The following MACROD2 variants were observed in gnomAD, a reference collection of about 807,000 sequenced individuals.
MACROD2 encodes the protein ADP-ribose glycohydrolase MACROD2.
A neutral mutation model predicts 70.4 loss-of-function variants in MACROD2; 36 were observed. The ratio of observed to expected loss-of-function variants is 0.51; its 90% confidence interval spans 0.39 to 0.68. The LOEUF is 0.68. Ranked by LOEUF, MACROD2 falls within the 30% of genes least tolerant of loss-of-function variation. The pLI is 0.00. For synonymous variants in MACROD2, 172 were observed against 178.8 expected, an observed-to-expected ratio of 0.96 and a Z score of 0.30; for missense variants, 496 against 538.4, an observed-to-expected ratio of 0.92 and a Z score of 0.78.
At chr20:15,999,058 C>G (rs527541890) in intron 15 of MACROD2, among the ~76,000 whole-genome samples, 1 of 151,926 alleles carries the variant, frequency 6.6e-6, no homozygotes, top group East Asian at 1.9e-4. Context: ...GGCTTTATTT[C>G]TTTTTTAGTT....
chr20:14,515,467 A>ACACACACACG, intron 4 of MACROD2, among the ~76,000 whole-genome samples: 1 of 114,130 alleles, frequency 8.8e-6, no homozygotes, highest in Admixed American at 8.3e-5. Context: ...ACACACACGC[A>ACACACACACG]CACACACACA....
At position 15,878,828 on chromosome 20, in the gene MACROD2, C is replaced by G. The variant is rs73614472; in HGVS notation, c.728-6936C>G. On this transcript the variant is annotated intron_variant, in intron 9 of 17. Coordinates refer to ENST00000684519, the MANE Select transcript of MACROD2 (RefSeq NM_001351661.2). ...TAGACATTTCCTTATGAAGGGGATT[C>G]TGAAGTATATAAAGCTAGCTTTTAC... 2.8e-3 allele frequency among the ~76,000 whole-genome samples: 431 copies of G among 152,202 alleles called. 1 individual carries two copies. The highest frequency in any genetic ancestry group is 0.024 in the South Asian group (118 of 4,828).
chr20:14,416,345 TC>T (rs1430365436), intron 3 of MACROD2, among the ~76,000 whole-genome samples: 3 of 152,100 alleles, frequency 2.0e-5, no homozygotes, highest in Middle Eastern at 3.2e-3. Flanking sequence ...TGCTGTTTTT[TC>T]CCCCCAGTGT....
At chr20:15,554,116 G>T (rs563846735) in intron 8 of MACROD2, among the ~76,000 whole-genome samples, 1 of 152,296 alleles carries the variant, frequency 6.6e-6, no homozygotes, top group African/African-American at 2.4e-5. Context: ...TGGCTGGACT[G>T]GAAAGAGATG....
At chr20:14,810,814 T>A (rs973706873) in intron 5 of MACROD2, among the ~76,000 whole-genome samples, 8 of 152,006 alleles carry the variant, frequency 5.3e-5, no homozygotes, top group African/African-American at 1.9e-4. Context: ...AGAGAGCCAA[T>A]TCACGAGCAA....
At chr20:14,832,328 A>C (rs1263530867) in intron 5 of MACROD2, among the ~76,000 whole-genome samples, 1 of 151,988 alleles carries the variant, frequency 6.6e-6, no homozygotes. Context: ...TCAGAAGCCA[A>C]CCAGTCAGGT....
chr20:15,733,412 T>C (rs1398642393), intron 8 of MACROD2, among the ~76,000 whole-genome samples: 2 of 152,188 alleles, frequency 1.3e-5, no homozygotes, highest in East Asian at 3.9e-4. Flanking sequence ...ATTTACTCTT[T>C]ATTCTCTAGT....
chr20:14,232,704 T>G (rs1164392378), intron 3 of MACROD2, among the ~76,000 whole-genome samples: 1 of 152,246 alleles, frequency 6.6e-6, no homozygotes, highest in Non-Finnish European at 1.5e-5. Flanking sequence ...TCTATCCAGA[T>G]TGCTCAAATT....
intron 5 of MACROD2, among the ~76,000 whole-genome samples, chr20:14,870,388 G>C (rs1453074637): frequency 6.6e-6 from 1 of 152,096 alleles, no homozygotes; most frequent in East Asian, 1.9e-4. Context: ...ATCATGAATA[G>C]TGCTACAATG....
chr20:15,133,446 A>T (rs2076121635), intron 5 of MACROD2, among the ~76,000 whole-genome samples: 2 of 152,162 alleles, frequency 1.3e-5, no homozygotes, highest in African/African-American at 4.8e-5. Flanking sequence ...AAATAGAAGA[A>T]AAACACATAA....
intron 2 of MACROD2, among the ~76,000 whole-genome samples, chr20:14,012,464 C>T (rs184353440): frequency 7.2e-5 from 11 of 152,292 alleles, no homozygotes; most frequent in South Asian, 4.2e-4. Flanking sequence ...GCAAGGTTTT[C>T]GGACCTGCGG....
At chr20:14,894,653 A>C (rs1013144353) in intron 5 of MACROD2, 1 of 152,198 alleles carries the variant, frequency 6.6e-6, no homozygotes, top group Non-Finnish European at 1.5e-5. Flanking sequence ...ATTGCATTTA[A>C]TATTATTTTT....
chr20:14,364,415 A>G (rs1167205443), intron 3 of MACROD2, among the ~76,000 whole-genome samples: 1 of 152,196 alleles, frequency 6.6e-6, no homozygotes, highest in Admixed American at 6.5e-5. Flanking sequence ...CTTTGTCCCC[A>G]TATTTAGTTG....
intron 8 of MACROD2, among the ~76,000 whole-genome samples, chr20:15,830,015 G>A (rs906311340): frequency 6.6e-6 from 1 of 152,176 alleles, no homozygotes; most frequent in Non-Finnish European, 1.5e-5. Context: ...CTGCAGGCAG[G>A]TGTGTATGAA....
At chr20:14,426,876 C>T (rs1175791924) in intron 3 of MACROD2, among the ~76,000 whole-genome samples, 1 of 152,052 alleles carries the variant, frequency 6.6e-6, no homozygotes, top group Admixed American at 6.6e-5. Flanking sequence ...TTTACTTTAC[C>T]CCTTAGCCCT....
chr20:15,365,206 A>C (rs1471522920), intron 6 of MACROD2, among the ~76,000 whole-genome samples: 1 of 152,158 alleles, frequency 6.6e-6, no homozygotes, highest in Non-Finnish European at 1.5e-5. Flanking sequence ...AGATGTTTTA[A>C]ATTAAAGTTA....
intron 6 of MACROD2, among the ~76,000 whole-genome samples, chr20:15,251,454 T>C (rs1393319952): frequency 6.6e-6 from 1 of 152,108 alleles, no homozygotes; most frequent in Non-Finnish European, 1.5e-5. Flanking sequence ...CATTTCAGGA[T>C]GAGGAGGCAG....
chr20:15,640,015 T>TAGAAGGAGAGAGAAAGAGGGGGTA (rs1400311968), intron 8 of MACROD2, among the ~76,000 whole-genome samples: 159 of 122,350 alleles, frequency 1.3e-3, no homozygotes, highest in African/African-American at 4.7e-3. Context: ...AAGGGGATGA[T>TAGAAGGAGAGAGAAAGAGGGGGTA]AGAGAGAAGG....
chr20:15,591,558 A>C (rs1245790547), intron 8 of MACROD2, among the ~76,000 whole-genome samples: 1 of 139,112 alleles, frequency 7.2e-6, no homozygotes, highest in East Asian at 2.2e-4. Flanking sequence ...CTTACGGTTT[A>C]ACTCCTAGTT....
Sources: allele counts gnomAD v4.1 joint callset (sites outside exome capture counted in the v4.1 genomes callset), GRCh38; gene constraint gnomAD v4.1.1; transcripts MANE v1.5; gene names NCBI Gene and HGNC (gene_info 2026-07-23, HGNC 2026-07-21).